Variants in VAV1 observed in about 807,000 individuals in gnomAD.
The protein encoded by VAV1 is proto-oncogene vav.
VAV1 carries 33 observed loss-of-function variants against 128.1 expected under a neutral mutation model. The ratio of observed to expected loss-of-function variants is 0.26; its 90% CI spans 0.20 to 0.34. VAV1 has a LOEUF of 0.34. VAV1 is among the 10% of genes least tolerant of loss of function. The pLI is 1.00. For missense variants in VAV1, 715 were observed against 1,093.7 expected (o/e 0.65, Z 4.88); for synonymous variants, 394 against 409.8 (o/e 0.96, Z 0.47).
At chr19:6,807,525 C>T (rs1481194133) in intron 1 of VAV1, among the ~76,000 whole-genome samples, 2 of 152,012 alleles carry the variant, frequency 1.3e-5, no homozygotes, top group African/African-American at 4.8e-5. Context: ...CTCACCTGCC[C>T]ACCACTCACC....
In VAV1 at chr19:6,836,244, A is replaced by G. The variant is rs976050767; in HGVS notation, c.1778-188A>G. ...GATACAATGTTTAGCTTCAGTAGAT[A>G]TTGCCAAATAGTTTTACAAAGAGTA... is the stretch of plus-strand genomic sequence containing the variant. On this transcript the variant is annotated intron_variant, in intron 19 of 26. Coordinates refer to ENST00000602142, the MANE Select transcript of VAV1 (RefSeq NM_005428.4). The G allele has an allele frequency of 2.2e-5, 15 of 690,320 alleles. No individual in the cohort carries two copies. The Admixed American group carries it at 4.3e-4, about 20-fold the overall frequency. The allele number at this position is 690,320 out of a possible 1,614,324, so 42.8% of individuals were successfully genotyped here. A position where few individuals can be genotyped will look rare whatever the true frequency, so the allele number is the denominator to read the frequency against.
chr19:6,838,093 G>GTCTATCTATCTA (rs752424814), intron 21 of VAV1, among the ~76,000 whole-genome samples: 53 of 101,296 alleles, frequency 5.2e-4, no homozygotes, highest in Admixed American at 1.6e-3. Context: ...CTGTCTGTCT[G>GTCTATCTATCTA]TCTGTCTATC....
intron 1 of VAV1, among the ~76,000 whole-genome samples, chr19:6,803,672 C>T (rs558291707): frequency 3.9e-4 from 59 of 152,270 alleles, no homozygotes; most frequent in African/African-American, 1.3e-3. Flanking sequence ...CCAAGCTGTT[C>T]TCCTGCCTCA....
intron 1 of VAV1, among the ~76,000 whole-genome samples, chr19:6,819,078 T>A (rs1327075424): frequency 2.0e-5 from 3 of 151,986 alleles, no homozygotes; most frequent in Non-Finnish European, 4.4e-5. Flanking sequence ...ATGGCACCAT[T>A]GCACTCCAGC....
At chr19:6,781,568 ATTG>A (rs1568281718) in intron 1 of VAV1, among the ~76,000 whole-genome samples, 1 of 148,012 alleles carries the variant, frequency 6.8e-6, no homozygotes, top group Non-Finnish European at 1.5e-5. Context: ...CTTGCTTACT[ATTG>A]TTGCACTTTC....
At chr19:6,782,928 TC>T (rs1970796388) in intron 1 of VAV1, among the ~76,000 whole-genome samples, 1 of 150,112 alleles carries the variant, frequency 6.7e-6, no homozygotes, top group Admixed American at 6.7e-5. Context: ...ACGCCTGTAA[TC>T]CCAGCACCTT....
chr19:6,783,432 C>T (rs1055827500), intron 1 of VAV1, among the ~76,000 whole-genome samples: 9 of 149,996 alleles, frequency 6.0e-5, no homozygotes, highest in African/African-American at 2.2e-4. Context: ...GAAAGAATTT[C>T]CCAGGCCAGG....
rs778776109 is a variant in VAV1, at chr19:6,836,996, A to G, written c.1926A>G (p.Thr642=). ...TCCTGGGTGTTTAGGGCAGAAATAC[A>G]TCTACTAATGAAATTGGCTGGTTTC... The part of the protein sequence containing the change: ...AEQNWWEGRN[T]STNEIGWFPC... The change falls in exon 21 of 27, where the codon ACA becomes ACG. Residue 642 remains threonine, a synonymous_variant. Transcript: ENST00000602142. 22 of 1,614,014 alleles carry G rather than the reference A, an allele frequency of 1.4e-5. No homozygotes were observed. The South Asian group carries it at 2.3e-4, about 17-fold the overall frequency.
chr19:6,798,659 TC>T (rs113208165), intron 1 of VAV1, among the ~76,000 whole-genome samples: 4,972 of 145,374 alleles, frequency 0.034, 198 homozygotes, highest in African/African-American at 0.088. Context: ...TTTCTCCCCT[TC>T]CCCCCCCCAC....
chr19:6,801,945 T>C (rs1971280987), intron 1 of VAV1, among the ~76,000 whole-genome samples: 2 of 152,150 alleles, frequency 1.3e-5, no homozygotes, highest in African/African-American at 4.8e-5. Flanking sequence ...ATGGGCACGA[T>C]GCCAGCACAG....
At chr19:6,839,519 C>T (rs1175859089) in intron 21 of VAV1, among the ~76,000 whole-genome samples, 6 of 152,066 alleles carry the variant, frequency 3.9e-5, no homozygotes, top group African/African-American at 1.2e-4. Context: ...CTGCCTGCCT[C>T]GGCCTCCCAA....
At chr19:6,818,724 G>T (rs8105950) in intron 1 of VAV1, among the ~76,000 whole-genome samples, 1 of 152,090 alleles carries the variant, frequency 6.6e-6, no homozygotes, top group Non-Finnish European at 1.5e-5. Flanking sequence ...GTAAACTAGG[G>T]TGCAGGCAGG....
chr19:6,801,120 C>T (rs1288935446), intron 1 of VAV1, among the ~76,000 whole-genome samples: 1 of 152,088 alleles, frequency 6.6e-6, no homozygotes, highest in Non-Finnish European at 1.5e-5. Context: ...TTACATAAGC[C>T]CTGTAAGGGC....
intron 14 of VAV1, 139 bp from the exon 15 acceptor site, chr19:6,831,951 CA>C: frequency 1.5e-6 from 1 of 646,118 alleles, no homozygotes; most frequent in Non-Finnish European, 2.6e-6. Flanking sequence ...AGCCCTTTTA[CA>C]AGGATATCCA....
In VAV1 at chr19:6,833,225, A is replaced by G; in HGVS notation, c.1550A>G (p.Asp517Gly). Residue 517 changes from aspartate (D) to glycine (G), a missense_variant, in exon 16 of 27, where the codon GAC (aspartate) becomes GGC (glycine). By Grantham distance (94) the Asp-to-Gly change is moderately conservative (BLOSUM62 -1). This residue lies in a region of VAV1 where 407 missense variants were observed against 580.6 expected (regional missense o/e 0.70). Transcript: ENST00000602142. ...YPENATANGH[D>G]FQMFSFEETT... is the part of the protein sequence containing the mutation. The stretch of plus-strand genomic sequence containing the variant: ...GAGAATGCCACCGCCAACGGGCATG[A>G]CTTCCAGATGTTCTCCTTTGAGGAG... 6.2e-7 allele frequency: 1 copy of G among 1,612,906 alleles called. No homozygotes were observed. Among genetic ancestry groups the G allele is most frequent in the Non-Finnish European group, 8.5e-7 (1 of 1,179,794 alleles).
At chr19:6,778,362 G>T (rs893466745) in intron 1 of VAV1, among the ~76,000 whole-genome samples, 1 of 152,154 alleles carries the variant, frequency 6.6e-6, no homozygotes, top group Non-Finnish European at 1.5e-5. Context: ...TTAGACCTAG[G>T]ATGTGGGCAG....
chr19:6,812,988 G>A (rs1425939263), intron 1 of VAV1, among the ~76,000 whole-genome samples: 2 of 152,224 alleles, frequency 1.3e-5, no homozygotes, highest in African/African-American at 4.8e-5. Context: ...ACATGACACA[G>A]TAGGCATAAA....
intron 1 of VAV1, among the ~76,000 whole-genome samples, chr19:6,800,792 T>TGTGTG (rs1555699758): frequency 6.8e-6 from 1 of 147,612 alleles, no homozygotes; most frequent in African/African-American, 2.5e-5. Context: ...TGGCAAATTT[T>TGTGTG]TGTGTGTGTG....
intron 1 of VAV1, among the ~76,000 whole-genome samples, chr19:6,805,472 T>C (rs1343428852): frequency 6.6e-6 from 1 of 151,374 alleles, no homozygotes; most frequent in East Asian, 1.9e-4. Flanking sequence ...CCAGTTGTGG[T>C]GGCTCACATC....
Sources: allele counts gnomAD v4.1 joint callset (sites outside exome capture counted in the v4.1 genomes callset), GRCh38; gene constraint gnomAD v4.1.1; regional missense constraint gnomAD v4.1.1; transcripts MANE v1.5; gene names NCBI Gene and HGNC (gene_info 2026-07-23, HGNC 2026-07-21).